The following LIMCH1 variants were observed in gnomAD, a reference collection of about 807,000 sequenced individuals.
The protein encoded by LIMCH1 is LIM and calponin homology domains-containing protein 1.
LIMCH1 carries 113 observed loss-of-function variants against 176.5 expected under a neutral mutation model. The observed-to-expected ratio is 0.64, with a 90% CI of 0.55 to 0.75. The LOEUF is 0.75. LIMCH1 is among the 30% of genes least tolerant of loss of function. The pLI, the probability that LIMCH1 is intolerant of heterozygous loss-of-function variation, is 0.00. For missense variants in LIMCH1, 1,674 were observed against 1,814.9 expected, an observed-to-expected ratio of 0.92 and a Z score of 1.41; for synonymous variants, 619 against 645.9, an observed-to-expected ratio of 0.96 and a Z score of 0.63.
At chr4:41,459,656 G>T (rs1323801183) in intron 1 of LIMCH1, among the ~76,000 whole-genome samples, 1 of 152,022 alleles carries the variant, frequency 6.6e-6, no homozygotes, top group African/African-American at 2.4e-5. Flanking sequence ...GTATGTGGAT[G>T]GTATAAGGGC....
chr4:41,435,029 T>C (rs1406170133), intron 1 of LIMCH1, among the ~76,000 whole-genome samples: 10 of 152,206 alleles, frequency 6.6e-5, no homozygotes, highest in Non-Finnish European at 1.5e-4. Context: ...TTATCTTATA[T>C]GGAAAATGAG....
intron 1 of LIMCH1, among the ~76,000 whole-genome samples, chr4:41,406,152 G>A (rs2058937976): frequency 6.6e-6 from 1 of 152,190 alleles, no homozygotes; most frequent in African/African-American, 2.4e-5. Context: ...AGCAGTTGAA[G>A]TGAATTCTTC....
intron 18 of LIMCH1, among the ~76,000 whole-genome samples, chr4:41,653,953 A>G (rs952382585): frequency 1.3e-5 from 2 of 152,228 alleles, no homozygotes; most frequent in Admixed American, 6.5e-5. Flanking sequence ...TTATGGTAAT[A>G]AGATTGTGAT....
intron 2 of LIMCH1, among the ~76,000 whole-genome samples, chr4:41,599,786 C>A (rs1042781318): frequency 2.0e-5 from 3 of 152,126 alleles, no homozygotes; most frequent in African/African-American, 7.2e-5. Flanking sequence ...GAATAGGTAA[C>A]TTTTCTTCTT....
intron 20 of LIMCH1, among the ~76,000 whole-genome samples, chr4:41,665,739 T>A (rs534609631): frequency 1.3e-5 from 2 of 152,322 alleles, no homozygotes; most frequent in East Asian, 3.9e-4. Flanking sequence ...ATGCTTATTT[T>A]AGACATTTTT....
intron 1 of LIMCH1, among the ~76,000 whole-genome samples, chr4:41,491,293 G>A (rs1425527052): frequency 3.9e-4 from 56 of 145,200 alleles, no homozygotes; most frequent in African/African-American, 1.3e-3. Context: ...GGGCAGAGGC[G>A]CTCCCCACCT....
chr4:41,660,871 C>T (rs1028074175), intron 18 of LIMCH1, among the ~76,000 whole-genome samples: 2 of 151,782 alleles, frequency 1.3e-5, no homozygotes, highest in Admixed American at 1.3e-4. Context: ...GGAGTAAGAA[C>T]CAGTGAGAAA....
chr4:41,513,780 G>C (rs542012597), intron 2 of LIMCH1, among the ~76,000 whole-genome samples: 5 of 151,882 alleles, frequency 3.3e-5, no homozygotes, highest in African/African-American at 1.2e-4. Flanking sequence ...CAAGGCGGGC[G>C]GATCACCTGA....
chr4:41,379,092 TTTA>T (rs1478248912), intron 1 of LIMCH1, among the ~76,000 whole-genome samples: 1 of 152,162 alleles, frequency 6.6e-6, no homozygotes, highest in Non-Finnish European at 1.5e-5. Flanking sequence ...CCAACAAGTA[TTTA>T]TTATTTTATA....
At chr4:41,493,581 G>A (rs191468790) in intron 1 of LIMCH1, among the ~76,000 whole-genome samples, 1 of 152,170 alleles carries the variant, frequency 6.6e-6, no homozygotes, top group South Asian at 2.1e-4. Context: ...ACTGGAAGAT[G>A]TGCATAGGTT....
At chr4:41,478,926 C>T (rs1046683887) in intron 1 of LIMCH1, among the ~76,000 whole-genome samples, 1 of 152,082 alleles carries the variant, frequency 6.6e-6, no homozygotes, top group African/African-American at 2.4e-5. Flanking sequence ...GGTTGTTGAC[C>T]TGAGTATTTT....
intron 26 of LIMCH1, 51 bp from the exon 27 acceptor site, chr4:41,684,346 G>A (rs374137928): frequency 3.3e-5 from 52 of 1,567,398 alleles, no homozygotes; most frequent in Middle Eastern, 3.5e-4. Flanking sequence ...CAAGAAGTTC[G>A]ATTCAGTTAC....
chr4:41,469,746 A>G (rs1016531609), intron 1 of LIMCH1, among the ~76,000 whole-genome samples: 2 of 151,916 alleles, frequency 1.3e-5, no homozygotes, highest in Admixed American at 6.6e-5. Context: ...CAGTGGCACA[A>G]TCTCGGCTCA....
chr4:41,443,997 T>A (rs2062987692), intron 1 of LIMCH1, among the ~76,000 whole-genome samples: 1 of 152,166 alleles, frequency 6.6e-6, no homozygotes, highest in South Asian at 2.1e-4. Flanking sequence ...AGAGGCTACA[T>A]CTGTCAGAGA....
chr4:41,538,462 C>T (rs2078201985), intron 1 of LIMCH1, 112 bp downstream of exon 1: 1 of 526,622 alleles, frequency 1.9e-6, no homozygotes, highest in African/African-American at 2.1e-5. Flanking sequence ...TTTTTATTCA[C>T]TTATTAGTAT....
At chr4:41,462,096 A>G (rs2065451104) in intron 1 of LIMCH1, among the ~76,000 whole-genome samples, 1 of 152,172 alleles carries the variant, frequency 6.6e-6, no homozygotes, top group South Asian at 2.1e-4. Context: ...GTCTACTTGA[A>G]CATCTGGCTG....
rs1238202453 is a variant in LIMCH1 at position 41,465,143 on chromosome 4, C to T, written c.97-29393C>T. On this transcript the variant is annotated intron_variant, in intron 1 of 26. Transcript: ENST00000313860. ...GGAGGGAATTCTCCAAGTTGCATTT[C>T]CAGCAGTCTTTCTCCTGCTGGCGTC... 5.3e-5 allele frequency among the ~76,000 whole-genome samples: 8 copies of T among 152,296 alleles called. No individual in the cohort carries two copies. In the South Asian group the frequency reaches 1.7e-3, roughly 32 times the overall value.
At chr4:41,417,965 A>T (rs532599917) in intron 1 of LIMCH1, among the ~76,000 whole-genome samples, 2 of 152,370 alleles carry the variant, frequency 1.3e-5, no homozygotes, top group East Asian at 3.9e-4. Context: ...CCAAGAAATG[A>T]AATGTTAACA....
At chr4:41,405,662 G>A (rs2058884738) in intron 1 of LIMCH1, among the ~76,000 whole-genome samples, 1 of 152,070 alleles carries the variant, frequency 6.6e-6, no homozygotes, top group Non-Finnish European at 1.5e-5. Context: ...CATAGTAGCT[G>A]TTCAATAAAA....
Sources: gnomAD v4.1 joint callset for allele counts (sites outside exome capture counted in the v4.1 genomes callset) on GRCh38, gnomAD v4.1.1 for gene constraint, MANE v1.5 for transcripts, NCBI Gene and HGNC (gene_info 2026-07-23, HGNC 2026-07-21) for gene names.